DAB1: variants seen among roughly 807,000 people sequenced by gnomAD.
The protein encoded by DAB1 is DAB adaptor protein 1.
Under a neutral mutation model 64.6 loss-of-function variants are expected in DAB1, and 15 were observed. The ratio of observed to expected loss-of-function variants is 0.23; its 90% CI spans 0.16 to 0.36. The LOEUF is 0.36. Ranked by LOEUF, DAB1 falls within the 10% of genes least tolerant of loss-of-function variation. DAB1 has a pLI of 1.00. For synonymous variants in DAB1, 235 were observed against 251.9 expected, an observed-to-expected ratio of 0.93 and a Z score of 0.64; for missense variants, 596 against 706.7, an observed-to-expected ratio of 0.84 and a Z score of 1.78.
At chr1:57,612,718 A>C (rs543742817) in intron 7 of DAB1, among the ~76,000 whole-genome samples, 1 of 152,158 alleles carries the variant, frequency 6.6e-6, no homozygotes, top group Non-Finnish European at 1.5e-5. Context: ...TAAAATAATA[A>C]ATTCACATTG....
intron 1 of DAB1, among the ~76,000 whole-genome samples, chr1:57,345,111 T>A (rs1677974621): frequency 6.6e-6 from 1 of 152,152 alleles, no homozygotes; most frequent in African/African-American, 2.4e-5. Context: ...AATAATAGGA[T>A]TTGTAATAAT....
At chr1:57,856,544 C>T (rs1653765105) in intron 1 of DAB1, among the ~76,000 whole-genome samples, 2 of 152,112 alleles carry the variant, frequency 1.3e-5, no homozygotes, top group Non-Finnish European at 1.5e-5. Flanking sequence ...GAGCAGGTCA[C>T]CTTAGGTCAG....
chr1:58,443,279 C>T (rs371445512), intron 3 of DAB1, among the ~76,000 whole-genome samples: 1 of 152,238 alleles, frequency 6.6e-6, no homozygotes, highest in Non-Finnish European at 1.5e-5. Flanking sequence ...ACAATGCCAG[C>T]CTCTCACAGT....
At chr1:58,028,309 A>T (rs187904369) in intron 5 of DAB1, among the ~76,000 whole-genome samples, 92 of 152,332 alleles carry the variant, frequency 6.0e-4, no homozygotes, top group South Asian at 3.5e-3. Flanking sequence ...TTTCTGTTTA[A>T]AGACATCTTA....
chr1:58,215,640 C>T (rs889737171), intron 4 of DAB1, among the ~76,000 whole-genome samples: 5 of 152,090 alleles, frequency 3.3e-5, no homozygotes, highest in African/African-American at 1.2e-4. Flanking sequence ...CCAAGTTCTG[C>T]CATCTCTATC....
chr1:57,058,603 A>C (rs1650069125), intron 9 of DAB1, among the ~76,000 whole-genome samples: 1 of 152,204 alleles, frequency 6.6e-6, no homozygotes, highest in Non-Finnish European at 1.5e-5. Context: ...GTGCAACAAA[A>C]CATTTAGTAA....
chr1:58,476,182 T>G lies in DAB1; in HGVS notation n.257+29878A>C, dbSNP rs149298071. On this transcript the variant is annotated intron_variant and non_coding_transcript_variant, in intron 3 of 20. Coordinates refer to the DAB1 transcript ENST00000485760. ...TTTCAAAGAGCTTAACTAAAAATTT[T>G]ATATTTTCTCTCACATAATTAGGTA... 1.2e-4 allele frequency among the ~76,000 whole-genome samples: 19 copies of G among 152,336 alleles called. No individual in the cohort carries two copies. In the East Asian group the frequency reaches 3.7e-3, roughly 29 times the overall value.
At chr1:58,433,929 T>C (rs11579329) in intron 3 of DAB1, among the ~76,000 whole-genome samples, 30,687 of 151,890 alleles carry the variant, frequency 0.2, 3,561 homozygotes, top group Middle Eastern at 0.28. Context: ...AAGAATATTC[T>C]AGCAGAAGGG....
intron 5 of DAB1, among the ~76,000 whole-genome samples, chr1:57,942,973 T>C (rs1266871399): frequency 1.3e-5 from 2 of 152,238 alleles, no homozygotes; most frequent in Admixed American, 6.5e-5. Flanking sequence ...ACAAACACCA[T>C]GCATGGCACT....
chr1:57,075,098 C>T (rs561968170), intron 4 of DAB1, among the ~76,000 whole-genome samples: 6 of 152,284 alleles, frequency 3.9e-5, no homozygotes, highest in Admixed American at 1.3e-4. Flanking sequence ...ATGTTATCCA[C>T]GTTTCCTATT....
chr1:58,509,845 A>G (rs761589564), intron 2 of DAB1, among the ~76,000 whole-genome samples: 16 of 152,108 alleles, frequency 1.1e-4, no homozygotes, highest in Non-Finnish European at 1.8e-4. Context: ...ACAAAGGATC[A>G]TAAGAGACTA....
At chr1:58,399,128 A>G (rs1478481954) in intron 3 of DAB1, among the ~76,000 whole-genome samples, 1 of 152,264 alleles carries the variant, frequency 6.6e-6, no homozygotes, top group Non-Finnish European at 1.5e-5. Flanking sequence ...CCCATTTTAC[A>G]GATAAGTCAA....
At chr1:58,459,560 GAGAA>G (rs1645222987) in intron 3 of DAB1, among the ~76,000 whole-genome samples, 2 of 152,228 alleles carry the variant, frequency 1.3e-5, no homozygotes, top group Admixed American at 6.5e-5. Context: ...AGGCCCAAAG[GAGAA>G]AGAAAGAAAA....
At chr1:57,978,856 C>T (rs569458896) in intron 5 of DAB1, among the ~76,000 whole-genome samples, 1 of 152,224 alleles carries the variant, frequency 6.6e-6, no homozygotes, top group South Asian at 2.1e-4. Flanking sequence ...CAAATCAAAA[C>T]CACAATGAGA....
At chr1:57,822,715 T>C (rs894194172), downstream of DAB1, among the ~76,000 whole-genome samples, 6 of 152,144 alleles carry the variant, frequency 3.9e-5, no homozygotes, top group Non-Finnish European at 5.9e-5. Flanking sequence ...CAGCCACATA[T>C]GTAAGTTTGC....
chr1:57,565,702 G>A (rs183347102), intron 7 of DAB1, among the ~76,000 whole-genome samples: 144 of 152,168 alleles, frequency 9.5e-4, no homozygotes, highest in Admixed American at 9.0e-3. Context: ...TGGTAAAGGG[G>A]TCAATTCAAC....
At chr1:57,575,992 T>C (rs1414855571) in intron 7 of DAB1, among the ~76,000 whole-genome samples, 1 of 152,210 alleles carries the variant, frequency 6.6e-6, no homozygotes, top group Non-Finnish European at 1.5e-5. Context: ...TATTTGGACA[T>C]AAATTCATTC....
intron 7 of DAB1, among the ~76,000 whole-genome samples, chr1:57,573,909 A>G (rs72908503): frequency 0.012 from 1,823 of 152,334 alleles, 52 homozygotes; most frequent in African/African-American, 0.042. Flanking sequence ...AAAAGATTGA[A>G]TAAGGAATAA....
chr1:57,620,414 C>T (rs1645843403), intron 7 of DAB1, among the ~76,000 whole-genome samples: 1 of 152,182 alleles, frequency 6.6e-6, no homozygotes, highest in Admixed American at 6.5e-5. Flanking sequence ...AGGGAAAATG[C>T]TAGTTTTGTA....
Sources: gnomAD v4.1 joint callset for allele counts (sites outside exome capture counted in the v4.1 genomes callset) on GRCh38, gnomAD v4.1.1 for gene constraint, MANE v1.5 for transcripts, NCBI Gene and HGNC (gene_info 2026-07-23, HGNC 2026-07-21) for gene names.